The following GADL1 variants were observed in gnomAD, a reference collection of about 807,000 sequenced individuals.
The protein encoded by GADL1 is acidic amino acid decarboxylase GADL1.
GADL1 carries 71 observed loss-of-function variants against 69.5 expected under a neutral mutation model. The ratio of observed to expected loss-of-function variants is 1.02; its 90% CI spans 0.84 to 1.25. The LOEUF (loss-of-function observed/expected upper bound fraction) is 1.25. Among genes scored for constraint, GADL1 ranks in the 50% most tolerant of loss-of-function variants. The pLI is 0.00. For missense variants in GADL1, 737 were observed against 631.8 expected (o/e 1.17, Z -1.79); for synonymous variants, 254 against 214.4 (o/e 1.18, Z -1.62).
intron 11 of GADL1, among the ~76,000 whole-genome samples, chr3:30,828,054 ATTG>A (rs1697713261): frequency 6.6e-6 from 1 of 151,862 alleles, no homozygotes; most frequent in South Asian, 2.1e-4. Flanking sequence ...CTTTGATCAG[ATTG>A]TTCAGTATTT....
intron 14 of GADL1, among the ~76,000 whole-genome samples, chr3:30,746,811 AC>A: frequency 6.6e-6 from 1 of 152,214 alleles, no homozygotes; most frequent in Non-Finnish European, 1.5e-5. Flanking sequence ...AAAATAGTGA[AC>A]CAGATCTATC....
At chr3:30,803,122 G>T (rs1359939726) in intron 11 of GADL1, among the ~76,000 whole-genome samples, 2 of 152,186 alleles carry the variant, frequency 1.3e-5, no homozygotes, top group Non-Finnish European at 2.9e-5. Flanking sequence ...ATATTAGTAT[G>T]CCTTCAGCCT....
chr3:30,811,387 T>A (rs1375802107), intron 11 of GADL1, among the ~76,000 whole-genome samples: 1 of 152,210 alleles, frequency 6.6e-6, no homozygotes. Context: ...AGAGATCACT[T>A]GGCAATACCT....
chr3:30,863,403 C>T lies in GADL1; in HGVS notation c.38-1638G>A, dbSNP rs62233362. Among the ~76,000 whole-genome samples, 587 of 151,972 alleles carry T rather than the reference C, an allele frequency of 3.9e-3. 3 individuals carry two copies. Among genetic ancestry groups the T allele is most frequent in the Non-Finnish European group, 6.1e-3 (416 of 67,898 alleles). ...GGAACATGTTCAAGACTGTACATGC[C>T]GATCATTGACTAAATGTTAAAAGTC... is the stretch of plus-strand genomic sequence containing the variant. On this transcript the variant is annotated intron_variant, in intron 1 of 14. Coordinates refer to ENST00000282538, the MANE Select transcript of GADL1 (RefSeq NM_207359.3).
chr3:30,786,069 A>G (rs1020442504), intron 13 of GADL1, among the ~76,000 whole-genome samples: 29 of 152,348 alleles, frequency 1.9e-4, no homozygotes, highest in Middle Eastern at 6.8e-3. Flanking sequence ...ACAATCATGC[A>G]ATTTATATAC....
At chr3:30,816,559 T>G (rs1455073075) in intron 11 of GADL1, among the ~76,000 whole-genome samples, 1 of 104,026 alleles carries the variant, frequency 9.6e-6, no homozygotes, top group Non-Finnish European at 1.9e-5. Context: ...TTTTTTTTTT[T>G]TTTTTTTGAG....
chr3:30,801,780 T>C (rs933040730), intron 11 of GADL1, among the ~76,000 whole-genome samples: 1 of 152,168 alleles, frequency 6.6e-6, no homozygotes, highest in African/African-American at 2.4e-5. Context: ...CCTCAAATCA[T>C]TAAAGTTGAA....
chr3:30,866,284 C>T (rs1559364962), intron 1 of GADL1, among the ~76,000 whole-genome samples: 1 of 151,790 alleles, frequency 6.6e-6, no homozygotes, highest in Non-Finnish European at 1.5e-5. Context: ...ATGATGAAGC[C>T]CTGTCTCTAC....
At chr3:30,753,201 C>T (rs966509198) in intron 14 of GADL1, among the ~76,000 whole-genome samples, 1 of 152,100 alleles carries the variant, frequency 6.6e-6, no homozygotes, top group Admixed American at 6.6e-5. Flanking sequence ...CCCCTGACTG[C>T]AGGCAAGCAG....
chr3:30,878,347 C>A (rs1698603356), intron 1 of GADL1, among the ~76,000 whole-genome samples: 3 of 151,868 alleles, frequency 2.0e-5, no homozygotes, highest in Admixed American at 2.0e-4. Context: ...TAAAATCGTC[C>A]AGGACCTTCA....
intron 14 of GADL1, among the ~76,000 whole-genome samples, chr3:30,765,933 G>A (rs1014989253): frequency 5.8e-5 from 8 of 138,302 alleles, no homozygotes; most frequent in East Asian, 4.1e-4. Flanking sequence ...CTTTATTATC[G>A]TAACTGGCAA....
At chr3:30,765,693 G>GT (rs1198557819) in intron 14 of GADL1, among the ~76,000 whole-genome samples, 4 of 152,134 alleles carry the variant, frequency 2.6e-5, no homozygotes, top group Non-Finnish European at 1.5e-5. Context: ...TTTTGCATGA[G>GT]TTTTTGTACT....
chr3:30,821,846 C>A (rs1559352354), intron 11 of GADL1, among the ~76,000 whole-genome samples: 1 of 151,796 alleles, frequency 6.6e-6, no homozygotes, highest in Non-Finnish European at 1.5e-5. Flanking sequence ...CTGTTTGATT[C>A]AATGAATGGG....
chr3:30,892,295 G>T (rs9833748), intron 1 of GADL1, among the ~76,000 whole-genome samples: 6,883 of 152,216 alleles, frequency 0.045, 540 homozygotes, highest in African/African-American at 0.16. Flanking sequence ...TTCAACAAGA[G>T]AATTTAAGAC....
chr3:30,861,492 TA>T (rs1469902374), intron 2 of GADL1, 100 bp downstream of exon 2: 1 of 794,606 alleles, frequency 1.3e-6, no homozygotes, highest in African/African-American at 1.8e-5. Context: ...ATAGAAGAAA[TA>T]AAAACTTGGC....
chr3:30,861,207 A>G lies in GADL1; in HGVS notation c.210+386T>C, dbSNP rs565347649. Reference sequence around the variant, plus strand: ...TCCATCTTTTGCTTGATTTTCATGAACAACATGAAGAGTGTGCACTAGAAA... The same window carrying G: ...TCCATCTTTTGCTTGATTTTCATGAGCAACATGAAGAGTGTGCACTAGAAA... On this transcript the variant is annotated intron_variant, in intron 2 of 14. Coordinates refer to ENST00000282538, the MANE Select transcript of GADL1 (RefSeq NM_207359.3). 6.6e-4 allele frequency among the ~76,000 whole-genome samples: 100 copies of G among 151,584 alleles called. No individual in the cohort carries two copies. In the Middle Eastern group the frequency reaches 0.01, roughly 16 times the overall value.
chr3:30,779,418 G>C (rs1037573617), intron 13 of GADL1, among the ~76,000 whole-genome samples: 2 of 152,198 alleles, frequency 1.3e-5, no homozygotes, highest in African/African-American at 4.8e-5. Flanking sequence ...ATTTCATCAA[G>C]AGGAAAGACC....
intron 12 of GADL1, among the ~76,000 whole-genome samples, chr3:30,793,267 G>A (rs1042956256): frequency 6.6e-6 from 1 of 152,124 alleles, no homozygotes; most frequent in Non-Finnish European, 1.5e-5. Flanking sequence ...AATGAAATGT[G>A]TTGTTGGAAG....
At position 30,844,462 on chromosome 3, in the gene GADL1, T is replaced by A. The variant is rs768247183; in HGVS notation, c.656A>T (p.His219Leu). ...AGAGGCTGCCTTCTTCATAGAGTAA[T>A]GACACTGAATTCAAAGGGACAGTGG... Reference protein sequence around the residue: ...RLILFTSAECHYSMKKAASFL... With the variant: ...RLILFTSAECLYSMKKAASFL... Residue 219 changes from histidine to leucine, a missense_variant, in exon 7 of 15, where the codon CAT becomes CTT. His to Leu is a moderately conservative substitution (Grantham distance 99). Coordinates refer to ENST00000282538, the MANE Select transcript of GADL1 (RefSeq NM_207359.3). 2 of 1,605,014 alleles carry A rather than the reference T, an allele frequency of 1.2e-6. No homozygotes were observed. Among genetic ancestry groups the A allele is most frequent in the Non-Finnish European group, 1.7e-6 (2 of 1,171,882 alleles).
Sources: gnomAD v4.1 joint callset for allele counts (sites outside exome capture counted in the v4.1 genomes callset) on GRCh38, gnomAD v4.1.1 for gene constraint, MANE v1.5 for transcripts, NCBI Gene and HGNC (gene_info 2026-07-23, HGNC 2026-07-21) for gene names.